NTN4: variants seen among roughly 807,000 people sequenced by gnomAD.
The protein encoded by NTN4 is netrin-4.
NTN4 carries 32 observed loss-of-function variants against 73.6 expected under a neutral mutation model. The ratio of observed to expected loss-of-function variants is 0.44; its 90% CI spans 0.33 to 0.58. NTN4 has a LOEUF of 0.58. Among genes scored for constraint, NTN4 ranks in the 20% least tolerant of loss-of-function variants. The pLI, the probability that NTN4 is intolerant of heterozygous loss-of-function variation, is 0.04. For synonymous variants in NTN4, 258 were observed against 287.5 expected (o/e 0.90, Z 1.04); for missense variants, 654 against 798.3 (o/e 0.82, Z 2.18).
At chr12:95,731,705 T>C (rs1048905680) in intron 3 of NTN4, among the ~76,000 whole-genome samples, 1 of 152,148 alleles carries the variant, frequency 6.6e-6, no homozygotes, top group African/African-American at 2.4e-5. Context: ...TCCAATCCTT[T>C]TTCCCCTCCC....
intron 3 of NTN4, among the ~76,000 whole-genome samples, chr12:95,724,412 G>A (rs556357132): frequency 2.0e-5 from 3 of 152,180 alleles, no homozygotes; most frequent in African/African-American, 7.2e-5. Context: ...TGTCCAACAG[G>A]GATATTTACT....
At chr12:95,698,143 C>A (rs2121043404) in intron 5 of NTN4, among the ~76,000 whole-genome samples, 1 of 152,238 alleles carries the variant, frequency 6.6e-6, no homozygotes, top group South Asian at 2.1e-4. Flanking sequence ...CCTCGGGGAT[C>A]CTGGAACCAA....
intron 2 of NTN4, among the ~76,000 whole-genome samples, chr12:95,759,469 G>A (rs888202278): frequency 4.0e-5 from 6 of 148,958 alleles, no homozygotes; most frequent in Non-Finnish European, 8.9e-5. Context: ...CTAATCTACT[G>A]TCAGTCCCTA....
chr12:95,719,973 G>A (rs2078634826), intron 3 of NTN4, among the ~76,000 whole-genome samples: 2 of 152,100 alleles, frequency 1.3e-5, no homozygotes, highest in Non-Finnish European at 2.9e-5. Context: ...TCATAAAAAA[G>A]CATGGGCAAT....
intron 2 of NTN4, among the ~76,000 whole-genome samples, chr12:95,741,898 A>G (rs1411425261): frequency 6.6e-6 from 1 of 152,070 alleles, no homozygotes; most frequent in Non-Finnish European, 1.5e-5. Flanking sequence ...CTGAAGATAC[A>G]TTTCCAAAGC....
At chr12:95,752,815 G>A (rs34588671) in intron 2 of NTN4, among the ~76,000 whole-genome samples, 7 of 152,136 alleles carry the variant, frequency 4.6e-5, no homozygotes, top group South Asian at 2.1e-4. Context: ...TGCGTGCAGC[G>A]GCTGCCGCTG....
intron 3 of NTN4, among the ~76,000 whole-genome samples, chr12:95,732,109 G>A (rs1180040785): frequency 2.0e-5 from 3 of 151,990 alleles, no homozygotes; most frequent in Admixed American, 2.0e-4. Context: ...ACCATATGAA[G>A]TATTTTAAAA....
chr12:95,693,325 A>G (rs2078415747), intron 5 of NTN4, among the ~76,000 whole-genome samples: 1 of 152,116 alleles, frequency 6.6e-6, no homozygotes, highest in South Asian at 2.1e-4. Flanking sequence ...ACTGGCTTTC[A>G]AAATAGCCTC....
chr12:95,700,080 ATTTTTTTTTTTTTTTTTTTTTTT>A (rs56063223), intron 5 of NTN4, among the ~76,000 whole-genome samples: 8 of 41,788 alleles, frequency 1.9e-4, no homozygotes, highest in African/African-American at 5.8e-4. Flanking sequence ...TAAAGTGAGG[ATTTTTTTTTTTTTTTTTTTTTTT>A]TTTTTTTTTT....
At chr12:95,760,150 TA>T (rs1187045927) in intron 2 of NTN4, among the ~76,000 whole-genome samples, 1 of 152,216 alleles carries the variant, frequency 6.6e-6, no homozygotes, top group Non-Finnish European at 1.5e-5. Context: ...TGTAAATTTT[TA>T]TTAGGGTGAA....
In NTN4 at chr12:95,722,067, C is replaced by CTT. The variant is rs200453216; in HGVS notation, c.865-8731_865-8730dup. The stretch of plus-strand genomic sequence containing the variant: ...TGCTTAAAGTTGTGATTCAGTAGAT[C>CTT]TTTTTTTTTTTTTTTTTTGGTAGTA... On this transcript the variant is annotated intron_variant, in intron 3 of 9. Transcript: ENST00000343702. 1.4e-4 allele frequency among the ~76,000 whole-genome samples: 17 copies of CTT among 124,470 alleles called. No individual in the cohort carries two copies. In the South Asian group the frequency reaches 1.7e-3, roughly 12 times the overall value. 81.7% of individuals were successfully genotyped at this position (124,470 alleles called of 152,430 possible). A position where few individuals can be genotyped will look rare whatever the true frequency, so the allele number is the denominator to read the frequency against.
chr12:95,779,269 C>T (rs887202661), intron 2 of NTN4, among the ~76,000 whole-genome samples: 3 of 152,240 alleles, frequency 2.0e-5, no homozygotes, highest in African/African-American at 7.2e-5. Flanking sequence ...TGCCCTCTCT[C>T]ACCACTCCTA....
At chr12:95,732,090 G>A (rs1190653985) in intron 3 of NTN4, among the ~76,000 whole-genome samples, 1 of 152,078 alleles carries the variant, frequency 6.6e-6, no homozygotes, top group Non-Finnish European at 1.5e-5. Context: ...AAACATACAT[G>A]CATGTTTTAC....
At chr12:95,741,741 T>A (rs1160259438) in intron 2 of NTN4, among the ~76,000 whole-genome samples, 1 of 151,178 alleles carries the variant, frequency 6.6e-6, no homozygotes, top group Non-Finnish European at 1.5e-5. Context: ...ATTATAACAA[T>A]ACACTGTAAT....
intron 3 of NTN4, among the ~76,000 whole-genome samples, chr12:95,732,355 T>G (rs2078744029): frequency 6.6e-6 from 1 of 151,488 alleles, no homozygotes; most frequent in African/African-American, 2.4e-5. Flanking sequence ...CTTAACATCT[T>G]AAAGATTGAA....
intron 5 of NTN4, among the ~76,000 whole-genome samples, chr12:95,699,207 C>T (rs982751399): frequency 1.3e-5 from 2 of 152,124 alleles, no homozygotes; most frequent in Admixed American, 1.3e-4. Flanking sequence ...AATGAACTCA[C>T]GTGACTTTGC....
intron 5 of NTN4, among the ~76,000 whole-genome samples, chr12:95,692,415 G>C (rs187266743): frequency 5.3e-5 from 8 of 152,302 alleles, no homozygotes; most frequent in Admixed American, 3.3e-4. Context: ...ATGAGGTAGA[G>C]GAAATGAGTA....
chr12:95,750,522 A>G (rs570902742), intron 2 of NTN4, among the ~76,000 whole-genome samples: 1 of 152,318 alleles, frequency 6.6e-6, no homozygotes, highest in African/African-American at 2.4e-5. Flanking sequence ...TGGCACTTTG[A>G]ATTTCTCCAT....
chr12:95,722,929 G>T (rs915934213), intron 3 of NTN4, among the ~76,000 whole-genome samples: 3 of 131,060 alleles, frequency 2.3e-5, no homozygotes, highest in African/African-American at 8.6e-5. Context: ...AGCCAAGATC[G>T]TGCCACTGCA....
Sources: allele counts gnomAD v4.1 joint callset (sites outside exome capture counted in the v4.1 genomes callset), GRCh38; gene constraint gnomAD v4.1.1; transcripts MANE v1.5; gene names NCBI Gene and HGNC (gene_info 2026-07-23, HGNC 2026-07-21).